KSR2: variants seen among roughly 807,000 people sequenced by gnomAD.
KSR2 encodes kinase suppressor of ras 2.
In KSR2, 25 loss-of-function variants were observed where a neutral mutation model predicts 107.8. The ratio of observed to expected loss-of-function variants is 0.23; its 90% CI spans 0.17 to 0.32. KSR2 has a LOEUF of 0.32. KSR2 is among the 10% of genes least tolerant of loss of function. The probability of loss-of-function intolerance (pLI) is 1.00; values close to 1 mark genes in which losing one functional copy is unlikely to be tolerated. For missense variants in KSR2, 887 were observed against 1,268.9 expected, an observed-to-expected ratio of 0.70 and a Z score of 4.57; for synonymous variants, 480 against 507.0, an observed-to-expected ratio of 0.95 and a Z score of 0.71.
rs139553897 is a variant in KSR2, at chr12:117,635,557, C to T, written c.1171+31917G>A. ...AACCCAAGAGATGATCAGTATAAGA[C>T]GCCAAAGTAAGTGATGGGTTTAAGG... On this transcript the variant is annotated intron_variant, in intron 5 of 19. Coordinates refer to ENST00000339824, the MANE Select transcript of KSR2 (RefSeq NM_173598.6). Among the ~76,000 whole-genome samples the T allele has an allele frequency of 2.9e-3, 439 of 152,132 alleles. 2 individuals carry two copies. Among genetic ancestry groups the T allele is most frequent in the African/African-American group, 9.3e-3 (385 of 41,514 alleles).
chr12:117,880,502 C>T (rs1893991739), intron 1 of KSR2, among the ~76,000 whole-genome samples: 1 of 151,942 alleles, frequency 6.6e-6, no homozygotes, highest in African/African-American at 2.4e-5. Context: ...CTATTATATT[C>T]AGAATTGTCC....
chr12:117,532,724 G>A (rs1028555069), intron 10 of KSR2, among the ~76,000 whole-genome samples: 1 of 152,088 alleles, frequency 6.6e-6, no homozygotes, highest in South Asian at 2.1e-4. Flanking sequence ...ACACTTAAAG[G>A]TTTCTAACAT....
intron 9 of KSR2, among the ~76,000 whole-genome samples, chr12:117,549,299 C>T (rs10774933): frequency 0.75 from 114,633 of 152,056 alleles, 43,492 homozygotes; most frequent in Admixed American, 0.83. Context: ...TTCAAGAAAG[C>T]TGGAGGCCAA....
rs1212427827 is a variant in KSR2, at chr12:117,497,401, C to T, written c.2220-11710G>A. Among the ~76,000 whole-genome samples the T allele has an allele frequency of 2.6e-5, 4 of 152,284 alleles. No homozygotes were observed. The East Asian group carries it at 7.7e-4, about 29-fold the overall frequency. The stretch of plus-strand genomic sequence containing the variant: ...AGAGGCAGCAGGGGCCCCCTTCCCA[C>T]TACATTGTGTTCTTTCAAGGCAAAG... On this transcript the variant is annotated intron_variant, in intron 14 of 19. Coordinates refer to ENST00000339824, the MANE Select transcript of KSR2 (RefSeq NM_173598.6).
intron 5 of KSR2, among the ~76,000 whole-genome samples, chr12:117,645,625 G>C (rs1353900410): frequency 2.0e-5 from 3 of 152,008 alleles, no homozygotes; most frequent in Non-Finnish European, 4.4e-5. Flanking sequence ...TTCACAATCT[G>C]CCTCCCCACC....
intron 5 of KSR2, among the ~76,000 whole-genome samples, chr12:117,663,190 G>A (rs116939168): frequency 6.6e-6 from 1 of 152,326 alleles, no homozygotes; most frequent in East Asian, 1.9e-4. Flanking sequence ...TAATGAGCAA[G>A]CAAGTTTTAA....
intron 4 of KSR2, among the ~76,000 whole-genome samples, chr12:117,707,151 A>G (rs7973518): frequency 0.2 from 30,512 of 152,230 alleles, 3,236 homozygotes; most frequent in Middle Eastern, 0.24. Flanking sequence ...ATATTGTATG[A>G]TTCCATTCAT....
intron 14 of KSR2, among the ~76,000 whole-genome samples, chr12:117,522,074 C>T (rs752319968): frequency 9.9e-5 from 15 of 152,174 alleles, no homozygotes; most frequent in Non-Finnish European, 1.9e-4. Flanking sequence ...GAGTCTTTAT[C>T]GTGGTGCCAG....
At chr12:117,768,264 C>T (rs1889316564) in intron 3 of KSR2, among the ~76,000 whole-genome samples, 1 of 152,170 alleles carries the variant, frequency 6.6e-6, no homozygotes, top group Admixed American at 6.5e-5. Context: ...AGCATCTGCC[C>T]ACAACATTGC....
At chr12:117,527,346 CAG>C (rs10545784) in intron 12 of KSR2, among the ~76,000 whole-genome samples, 39,061 of 144,412 alleles carry the variant, frequency 0.27, 6,387 homozygotes, top group African/African-American at 0.48. Context: ...CACACACACA[CAG>C]ACACACACAC....
At chr12:117,666,471 C>T (rs1884665024) in intron 5 of KSR2, among the ~76,000 whole-genome samples, 1 of 152,188 alleles carries the variant, frequency 6.6e-6, no homozygotes, top group Non-Finnish European at 1.5e-5. Context: ...AATTCAAATC[C>T]CAGCTCAAAT....
chr12:117,535,753 C>T (rs1876007349), intron 10 of KSR2, among the ~76,000 whole-genome samples: 1 of 152,044 alleles, frequency 6.6e-6, no homozygotes, highest in Non-Finnish European at 1.5e-5. Flanking sequence ...CAATCATTTT[C>T]GAAGCCTCTT....
chr12:117,483,200 G>A (rs1039052768), intron 16 of KSR2, among the ~76,000 whole-genome samples: 1 of 151,982 alleles, frequency 6.6e-6, no homozygotes, highest in Admixed American at 6.6e-5. Context: ...AATCTTTCTT[G>A]GGTGGAGCAA....
intron 3 of KSR2, among the ~76,000 whole-genome samples, chr12:117,785,340 G>A (rs558395445): frequency 6.9e-4 from 103 of 149,274 alleles, no homozygotes; most frequent in South Asian, 3.2e-3. Flanking sequence ...GCTTGAACCC[G>A]GGAGGTGAAG....
rs565207512 is a variant in KSR2 at position 117,646,574 on chromosome 12, A to G, written c.1171+20900T>C. Among the ~76,000 whole-genome samples the G allele has an allele frequency of 3.3e-5, 5 of 152,260 alleles. No individual in the cohort carries two copies. In the East Asian group the frequency reaches 9.7e-4, roughly 29 times the overall value. ...AAAGCCTGGAGGGTTTGGGGAATAG[A>G]AAGTAAATACTCCAGCTGGAAGCAG... On this transcript the variant is annotated intron_variant, in intron 5 of 19. Coordinates refer to ENST00000339824, the MANE Select transcript of KSR2 (RefSeq NM_173598.6).
At chr12:117,726,350 G>A (rs753509456) in intron 4 of KSR2, among the ~76,000 whole-genome samples, 15 of 152,100 alleles carry the variant, frequency 9.9e-5, no homozygotes, top group Non-Finnish European at 1.6e-4. Flanking sequence ...AGCAAAACAC[G>A]ATAACATTTC....
At chr12:117,603,924 C>A (rs4767577) in intron 5 of KSR2, among the ~76,000 whole-genome samples, 111,206 of 152,050 alleles carry the variant, frequency 0.73, 41,602 homozygotes, top group South Asian at 0.9. Flanking sequence ...GCTGCCCCCT[C>A]CCTCTGCAAT....
At chr12:117,576,159 C>T (rs771520890) in intron 7 of KSR2, among the ~76,000 whole-genome samples, 10 of 152,178 alleles carry the variant, frequency 6.6e-5, no homozygotes, top group African/African-American at 1.2e-4. Context: ...AAAATTAAAA[C>T]GGCTTGGGAA....
At chr12:117,694,845 C>CTTTTTTT (rs34228762) in intron 4 of KSR2, among the ~76,000 whole-genome samples, 18 of 99,082 alleles carry the variant, frequency 1.8e-4, no homozygotes, top group South Asian at 3.6e-4. Flanking sequence ...TTGTATGATT[C>CTTTTTTT]TTTTTTTTTT....
Sources: gnomAD v4.1 joint callset for allele counts (sites outside exome capture counted in the v4.1 genomes callset) on GRCh38, gnomAD v4.1.1 for gene constraint, MANE v1.5 for transcripts, NCBI Gene and HGNC (gene_info 2026-07-23, HGNC 2026-07-21) for gene names.